The following SSH2 variants were observed in gnomAD, a reference collection of about 807,000 sequenced individuals.
The protein encoded by SSH2 is protein phosphatase Slingshot homolog 2.
In SSH2, 37 loss-of-function variants were observed where a neutral mutation model predicts 135.2. That is an observed-to-expected ratio of 0.27 (90% CI 0.21 to 0.36). The LOEUF is 0.36. SSH2 is among the 10% of genes least tolerant of loss of function. SSH2 has a pLI of 1.00. For missense variants in SSH2, 1,408 were observed against 1,765.3 expected, an observed-to-expected ratio of 0.80 and a Z score of 3.63; for synonymous variants, 628 against 646.2, an observed-to-expected ratio of 0.97 and a Z score of 0.43.
chr17:29,674,464 C>T (rs62068583), intron 8 of SSH2, among the ~76,000 whole-genome samples: 60,593 of 151,902 alleles, frequency 0.4, 14,562 homozygotes, highest in East Asian at 0.68. Context: ...TGCAACGGTC[C>T]TAAAATACAC....
intron 6 of SSH2, among the ~76,000 whole-genome samples, chr17:29,682,488 T>G (rs1313777811): frequency 6.6e-6 from 1 of 152,194 alleles, no homozygotes; most frequent in Non-Finnish European, 1.5e-5. Flanking sequence ...TTAATCTATT[T>G]AAAAAGACAC....
intron 2 of SSH2, among the ~76,000 whole-genome samples, chr17:29,830,534 A>T: frequency 6.6e-6 from 1 of 152,210 alleles, no homozygotes; most frequent in East Asian, 1.9e-4. Flanking sequence ...TAGCTGTTTA[A>T]TCCCACCTTT....
At chr17:29,761,288 C>T (rs2041290810) in intron 3 of SSH2, 1 of 1,283,764 alleles carries the variant, frequency 7.8e-7, no homozygotes, top group South Asian at 1.2e-5. Flanking sequence ...GGGGCCGGCT[C>T]AAAGTGCACA....
chr17:29,634,876 G>C (rs941071330), intron 15 of SSH2, among the ~76,000 whole-genome samples: 1 of 151,150 alleles, frequency 6.6e-6, no homozygotes, highest in African/African-American at 2.4e-5. Context: ...GAGTACCACA[G>C]CATTGGAGAT....
chr17:29,632,391 G>A lies in SSH2; in HGVS notation c.2803C>T (p.Leu935=). The change falls in exon 16 of 16, where the codon CTA becomes TTA. Residue 935 remains leucine (L), a synonymous_variant. Coordinates refer to ENST00000540801, the MANE Select transcript of SSH2 (RefSeq NM_001282129.2). ...TCATCACTTTTCCCTTTTGGTGCTA[G>A]GTCTGCCACAGAAGAATCATTCTTT... The part of the protein sequence containing the change: ...NSKNDSSVAD[L]APKGKSDEAP... 6.2e-7 allele frequency: 1 copy of A among 1,614,126 alleles called. No individual in the cohort carries two copies. Among genetic ancestry groups the A allele is most frequent in the East Asian group, 2.2e-5 (1 of 44,882 alleles).
chr17:29,809,053 A>T (rs2042397376), intron 2 of SSH2, among the ~76,000 whole-genome samples: 1 of 152,222 alleles, frequency 6.6e-6, no homozygotes. Context: ...CAGGAGTTCA[A>T]GACCAGCCTG....
In SSH2 at chr17:29,648,240, C is replaced by G; in HGVS notation, c.1331G>C (p.Arg444Pro). Residue 444 changes from arginine (R) to proline (P), a missense_variant, in exon 14 of 16, where the codon CGA (arginine) becomes CCA (proline). Physicochemically the swap from Arg to Pro is moderately radical, Grantham distance 103. Around this residue, in one of 3 missense-constraint regions of SSH2, gnomAD observed 106 missense variants for 265.2 expected, o/e 0.40. Transcript: ENST00000540801. ...AMKEYGWNLD[R>P]AYDYVKERRT... ...TCTTTCTTTCACATAGTCATAGGCT[C>G]GGTCCAGATTCCAGCCATATTCCTT... is the stretch of plus-strand genomic sequence containing the variant. 1.2e-6 allele frequency: 2 copies of G among 1,614,178 alleles called. No individual in the cohort carries two copies. Among genetic ancestry groups the G allele is most frequent in the Non-Finnish European group, 1.7e-6 (2 of 1,180,036 alleles).
At chr17:29,678,575 A>C (rs1038588469) in intron 6 of SSH2, among the ~76,000 whole-genome samples, 3 of 152,210 alleles carry the variant, frequency 2.0e-5, no homozygotes, top group African/African-American at 7.2e-5. Context: ...GATAGGCAAA[A>C]TAGACATAAC....
intron 14 of SSH2, among the ~76,000 whole-genome samples, chr17:29,647,276 A>G (rs2036411967): frequency 2.0e-5 from 3 of 151,300 alleles, no homozygotes; most frequent in South Asian, 4.2e-4. Context: ...AAAAAAAAAG[A>G]GTCGGCCAAA....
At chr17:29,700,777 A>G (rs2038941042) in intron 4 of SSH2, among the ~76,000 whole-genome samples, 1 of 152,144 alleles carries the variant, frequency 6.6e-6, no homozygotes, top group African/African-American at 2.4e-5. Context: ...ATAAGATTCA[A>G]GGGAACAGCT....
At chr17:29,666,560 G>A (rs1407698643) in intron 11 of SSH2, among the ~76,000 whole-genome samples, 1 of 152,090 alleles carries the variant, frequency 6.6e-6, no homozygotes. Flanking sequence ...GTATGCACCT[G>A]TAGTCCCAGC....
chr17:29,706,128 A>T (rs1180646638), intron 3 of SSH2, among the ~76,000 whole-genome samples: 3 of 152,208 alleles, frequency 2.0e-5, no homozygotes, highest in Admixed American at 2.0e-4. Flanking sequence ...CAGAAATTGT[A>T]ATTTAGGACA....
At chr17:29,878,718 GTA>G (rs1272677445) in intron 1 of SSH2, among the ~76,000 whole-genome samples, 3 of 151,902 alleles carry the variant, frequency 2.0e-5, no homozygotes, top group Admixed American at 6.6e-5. Flanking sequence ...ACTAGTCATA[GTA>G]TTACCATAAG....
chr17:29,692,528 T>C (rs2038531667), intron 5 of SSH2, among the ~76,000 whole-genome samples: 1 of 152,250 alleles, frequency 6.6e-6, no homozygotes, highest in African/African-American at 2.4e-5. Context: ...AAGAAAAGAA[T>C]TGCCAGCTCT....
chr17:29,763,983 C>G (rs929246817), intron 3 of SSH2, among the ~76,000 whole-genome samples: 2 of 145,146 alleles, frequency 1.4e-5, no homozygotes, highest in Non-Finnish European at 3.0e-5. Context: ...GAGTTTCACT[C>G]TTGTTGCCCA....
chr17:29,792,192 C>G (rs2042079705), intron 3 of SSH2, among the ~76,000 whole-genome samples: 1 of 151,932 alleles, frequency 6.6e-6, no homozygotes, highest in Non-Finnish European at 1.5e-5. Context: ...TGTGAGCCAC[C>G]GCGCCTGGCC....
intron 1 of SSH2, among the ~76,000 whole-genome samples, chr17:29,869,047 G>A (rs1314037735): frequency 1.3e-5 from 2 of 152,196 alleles, no homozygotes; most frequent in East Asian, 3.8e-4. Flanking sequence ...CCAGAGAACA[G>A]AGGAGTGAGA....
intron 6 of SSH2, among the ~76,000 whole-genome samples, chr17:29,682,016 A>G (rs2038008895): frequency 6.6e-6 from 1 of 152,244 alleles, no homozygotes; most frequent in South Asian, 2.1e-4. Context: ...TCTATAAACT[A>G]TAATTTCCTT....
intron 3 of SSH2, chr17:29,776,521 G>T (rs1016827470): frequency 6.6e-6 from 1 of 152,164 alleles, no homozygotes; most frequent in Non-Finnish European, 1.5e-5. Context: ...TTCTTGTTTG[G>T]TTTATTTTCA....
Sources: allele counts gnomAD v4.1 joint callset (sites outside exome capture counted in the v4.1 genomes callset), GRCh38; gene constraint gnomAD v4.1.1; regional missense constraint gnomAD v4.1.1; transcripts MANE v1.5; gene names NCBI Gene and HGNC (gene_info 2026-07-23, HGNC 2026-07-21).